The following KAT6B variants were observed in gnomAD, a reference collection of about 807,000 sequenced individuals.
The protein encoded by KAT6B is histone acetyltransferase KAT6B.
A neutral mutation model predicts 187.5 loss-of-function variants in KAT6B; 10 were observed. The observed-to-expected ratio is 0.05, with a 90% CI of 0.03 to 0.09. The LOEUF (loss-of-function observed/expected upper bound fraction) is 0.09, where lower values mean the gene tolerates loss of function less well. Ranked by LOEUF, KAT6B falls within the 10% of genes least tolerant of loss-of-function variation. KAT6B has a pLI of 1.00. For synonymous variants in KAT6B, 861 were observed against 926.8 expected, an observed-to-expected ratio of 0.93 and a Z score of 1.29; for missense variants, 1,952 against 2,558.9, an observed-to-expected ratio of 0.76 and a Z score of 5.12.
chr10:74,864,079 G>T (rs1843379342), intron 3 of KAT6B, among the ~76,000 whole-genome samples: 1 of 151,914 alleles, frequency 6.6e-6, no homozygotes, highest in African/African-American at 2.4e-5. Context: ...TTTTGTTGTT[G>T]TTTTTTTGAG....
intron 2 of KAT6B, among the ~76,000 whole-genome samples, chr10:74,841,339 C>G (rs1049274041): frequency 6.6e-6 from 1 of 152,040 alleles, no homozygotes; most frequent in African/African-American, 2.4e-5. Flanking sequence ...TTTGAGAGGC[C>G]GAGGTGGGCT....
chr10:74,953,111 T>C (rs1411236850), intron 3 of KAT6B, among the ~76,000 whole-genome samples: 1 of 152,068 alleles, frequency 6.6e-6, no homozygotes, highest in Non-Finnish European at 1.5e-5. Context: ...GTTTTCCTTT[T>C]ATTAAATAGT....
At chr10:74,946,332 G>A (rs925767247) in intron 3 of KAT6B, among the ~76,000 whole-genome samples, 1 of 152,078 alleles carries the variant, frequency 6.6e-6, no homozygotes, top group Non-Finnish European at 1.5e-5. Context: ...AATCAGTCTA[G>A]TTAGGGGTTT....
At chr10:74,897,872 G>C (rs2132718217) in intron 3 of KAT6B, among the ~76,000 whole-genome samples, 1 of 152,222 alleles carries the variant, frequency 6.6e-6, no homozygotes, top group Non-Finnish European at 1.5e-5. Flanking sequence ...TTTGGGGGCT[G>C]TTTCATTCTT....
chr10:74,865,349 G>A (rs1378862723), intron 3 of KAT6B, among the ~76,000 whole-genome samples: 1 of 152,126 alleles, frequency 6.6e-6, no homozygotes, highest in Non-Finnish European at 1.5e-5. Context: ...TTTGTATGCT[G>A]TAAATATGAG....
At chr10:74,884,181 A>G (rs150436299) in intron 3 of KAT6B, among the ~76,000 whole-genome samples, 20 of 152,308 alleles carry the variant, frequency 1.3e-4, no homozygotes, top group African/African-American at 4.3e-4. Flanking sequence ...TTTTGTATGC[A>G]TAGCTTTTGA....
chr10:74,982,113 A>G (rs1842551219), intron 11 of KAT6B, 185 bp downstream of exon 11: 4 of 584,558 alleles, frequency 6.8e-6, no homozygotes, highest in Non-Finnish European at 1.2e-5. Flanking sequence ...AACCATTTAG[A>G]CTGATGAAGA....
chr10:75,022,341 T>C, intron 16 of KAT6B, 110 bp downstream of exon 16: 1 of 1,194,062 alleles, frequency 8.4e-7, no homozygotes, highest in Non-Finnish European at 1.3e-6. Flanking sequence ...TTAGTCGTAG[T>C]TTATGTGTAC....
intron 13 of KAT6B, among the ~76,000 whole-genome samples, chr10:74,996,521 A>C (rs545924025): frequency 6.6e-6 from 1 of 152,252 alleles, no homozygotes; most frequent in East Asian, 1.9e-4. Flanking sequence ...CTGTAATCCC[A>C]GCACTGTGGG....
intron 3 of KAT6B, among the ~76,000 whole-genome samples, chr10:74,933,013 C>T (rs1165456250): frequency 6.6e-6 from 1 of 152,210 alleles, no homozygotes; most frequent in Non-Finnish European, 1.5e-5. Context: ...TTTCTGCATA[C>T]ACACCATTTT....
At chr10:74,895,185 C>T (rs1328501274) in intron 3 of KAT6B, among the ~76,000 whole-genome samples, 1 of 151,192 alleles carries the variant, frequency 6.6e-6, no homozygotes, top group Non-Finnish European at 1.5e-5. Context: ...ATTTGTATAT[C>T]TTCTTTGGAG....
In KAT6B at chr10:75,028,716, G is replaced by A; in HGVS notation, c.3892G>A (p.Gly1298Arg). ...GGAAGAACAGAAGGAGACTTCAGAA[G>A]GAAAAACCAGCCCCAGTCCCATCAG... The part of the protein sequence containing the change: ...TVEEQKETSE[G>R]KTSPSPIRIE... The change falls in exon 18 of 18, where the codon GGA (glycine) becomes AGA (arginine). Residue 1298 changes from glycine to arginine, a missense_variant. By Grantham distance (125) the Gly-to-Arg change is moderately radical. Around this residue, in one of 9 missense-constraint regions of KAT6B, gnomAD observed 758 missense variants for 891.4 expected, o/e 0.85. Coordinates refer to ENST00000287239, the MANE Select transcript of KAT6B (RefSeq NM_012330.4). 1 of 1,613,908 alleles carries A rather than the reference G, an allele frequency of 6.2e-7. No individual in the cohort carries two copies. The highest frequency in any genetic ancestry group is 8.5e-7 in the Non-Finnish European group (1 of 1,180,012).
chr10:74,967,184 G>A (rs1841536209), intron 4 of KAT6B, among the ~76,000 whole-genome samples: 1 of 152,048 alleles, frequency 6.6e-6, no homozygotes, highest in East Asian at 1.9e-4. Flanking sequence ...AACAAAATTA[G>A]CCAGGCATAG....
chr10:74,847,783 C>T (rs1261568311), intron 3 of KAT6B, among the ~76,000 whole-genome samples: 2 of 151,990 alleles, frequency 1.3e-5, no homozygotes, highest in African/African-American at 2.4e-5. Context: ...CATGTAAACT[C>T]GCTAAGTAAA....
At chr10:74,948,877 G>A (rs576149970) in intron 3 of KAT6B, among the ~76,000 whole-genome samples, 17 of 152,260 alleles carry the variant, frequency 1.1e-4, no homozygotes, top group African/African-American at 4.1e-4. Context: ...AGAATCTAGT[G>A]CCCAGGTTTT....
At chr10:74,958,492 C>T (rs949106865) in intron 3 of KAT6B, among the ~76,000 whole-genome samples, 1 of 152,130 alleles carries the variant, frequency 6.6e-6, no homozygotes, top group African/African-American at 2.4e-5. Context: ...GGCTAGCAGA[C>T]AACATGTGTG....
At chr10:75,024,827 G>C (rs539381224) in intron 16 of KAT6B, 131 bp from the exon 17 acceptor site, 1 of 817,984 alleles carries the variant, frequency 1.2e-6, no homozygotes, top group African/African-American at 1.7e-5. Flanking sequence ...GGAAGGTTAA[G>C]TACAAAGGCA....
chr10:74,880,838 A>T (rs1184373031), intron 3 of KAT6B, among the ~76,000 whole-genome samples: 1 of 150,204 alleles, frequency 6.7e-6, no homozygotes, highest in Non-Finnish European at 1.5e-5. Flanking sequence ...CTGGTCTCGA[A>T]CTCCTGGGCT....
intron 10 of KAT6B, among the ~76,000 whole-genome samples, chr10:74,979,872 G>A (rs1842399257): frequency 6.6e-6 from 1 of 152,068 alleles, no homozygotes; most frequent in African/African-American, 2.4e-5. Context: ...TGACTTTGAA[G>A]AGAAGGCCAG....
Sources: allele counts gnomAD v4.1 joint callset (sites outside exome capture counted in the v4.1 genomes callset), GRCh38; gene constraint gnomAD v4.1.1; regional missense constraint gnomAD v4.1.1; transcripts MANE v1.5; gene names NCBI Gene and HGNC (gene_info 2026-07-23, HGNC 2026-07-21).